Variants in LRRC4C observed in about 807,000 individuals in gnomAD.
LRRC4C encodes leucine rich repeat containing 4C, also known as leucine-rich repeat-containing protein 4C.
A neutral mutation model predicts 33.6 loss-of-function variants in LRRC4C; 5 were observed. The observed-to-expected ratio is 0.15, with a 90% CI of 0.08 to 0.31. The LOEUF (loss-of-function observed/expected upper bound fraction) is 0.31. Ranked by LOEUF, LRRC4C falls within the 10% of genes least tolerant of loss-of-function variation. The pLI, the probability that LRRC4C is intolerant of heterozygous loss-of-function variation, is 1.00. For synonymous variants in LRRC4C, 329 were observed against 302.0 expected (o/e 1.09, Z -0.93); for missense variants, 560 against 796.7 (o/e 0.70, Z 3.58).
intron 3 of LRRC4C, among the ~76,000 whole-genome samples, chr11:40,435,594 A>G (rs1030713767): frequency 2.0e-5 from 3 of 152,198 alleles, no homozygotes; most frequent in Admixed American, 2.0e-4. Flanking sequence ...TCTACTTCAA[A>G]TAAAACTGGA....
At chr11:41,165,986 G>A (rs1159598033) in intron 1 of LRRC4C, among the ~76,000 whole-genome samples, 4 of 151,384 alleles carry the variant, frequency 2.6e-5, no homozygotes, top group African/African-American at 7.3e-5. Context: ...AGTCGAAATC[G>A]TGCCATTGCA....
At chr11:40,716,364 T>A (rs551317295) in intron 2 of LRRC4C, among the ~76,000 whole-genome samples, 88 of 152,288 alleles carry the variant, frequency 5.8e-4, no homozygotes, top group Non-Finnish European at 8.8e-4. Context: ...AAATATTTTT[T>A]AAAAATCTTA....
At chr11:41,005,160 A>G (rs917915969) in intron 1 of LRRC4C, among the ~76,000 whole-genome samples, 1 of 152,156 alleles carries the variant, frequency 6.6e-6, no homozygotes, top group African/African-American at 2.4e-5. Flanking sequence ...TATGGTTTGG[A>G]CATTTATCCC....
intron 2 of LRRC4C, among the ~76,000 whole-genome samples, chr11:40,895,731 CCTA>C (rs1352827209): frequency 3.3e-5 from 5 of 152,078 alleles, no homozygotes; most frequent in Non-Finnish European, 2.9e-5. Flanking sequence ...CTTTCTACAG[CCTA>C]CTTTGTTAAA....
intron 3 of LRRC4C, among the ~76,000 whole-genome samples, chr11:40,435,362 G>A (rs1951102702): frequency 6.6e-6 from 1 of 152,166 alleles, no homozygotes; most frequent in South Asian, 2.1e-4. Context: ...AATTTTACCT[G>A]CTTCACAAAT....
rs1052269563 is a variant in LRRC4C at position 41,234,408 on chromosome 11, A to G, written c.-496+225023T>C. ...TATTAGGCTAATATATTCTCTTAGC[A>G]ATGTTCAGGAATATGTTATTATTAA... On this transcript the variant is annotated intron_variant, in intron 1 of 6. Transcript: ENST00000528697. Among the ~76,000 whole-genome samples, 6 of 151,972 alleles carry G rather than the reference A, an allele frequency of 3.9e-5. No individual in the cohort carries two copies. The East Asian group carries it at 1.2e-3, about 29-fold the overall frequency.
At chr11:40,197,172 G>A (rs979645931) in intron 5 of LRRC4C, among the ~76,000 whole-genome samples, 5 of 152,104 alleles carry the variant, frequency 3.3e-5, no homozygotes, top group East Asian at 1.9e-4. Context: ...AAAAATTAAC[G>A]TTGTGTATGC....
At chr11:40,438,475 A>G (rs1951239808) in intron 3 of LRRC4C, among the ~76,000 whole-genome samples, 1 of 152,208 alleles carries the variant, frequency 6.6e-6, no homozygotes, top group Non-Finnish European at 1.5e-5. Context: ...CTCTACTAGA[A>G]TTTAGCCTCC....
At chr11:40,898,602 A>G (rs1956072944) in intron 2 of LRRC4C, among the ~76,000 whole-genome samples, 1 of 152,074 alleles carries the variant, frequency 6.6e-6, no homozygotes, top group South Asian at 2.1e-4. Context: ...AGTTGAATCC[A>G]AACTAGAAAC....
At chr11:41,064,969 CA>C (rs1183821531) in intron 1 of LRRC4C, among the ~76,000 whole-genome samples, 6 of 152,156 alleles carry the variant, frequency 3.9e-5, no homozygotes, top group Non-Finnish European at 8.8e-5. Flanking sequence ...GTTTCAAGCA[CA>C]AAACTGGGTG....
chr11:41,036,685 C>T lies in LRRC4C; in HGVS notation c.-495-102962G>A, dbSNP rs182303712. Among the ~76,000 whole-genome samples, 484 of 152,154 alleles carry T rather than the reference C, an allele frequency of 3.2e-3. 2 individuals are homozygous for T. Among genetic ancestry groups the T allele is most frequent in the African/African-American group, 0.011 (443 of 41,508 alleles). On this transcript the variant is annotated intron_variant, in intron 1 of 6. Transcript: ENST00000528697. ...AACAGGTAAAATCATGAATTAAATACAAATATAAAATAATGTCAAAGATTT... is the reference window on the plus strand; with the variant it reads ...AACAGGTAAAATCATGAATTAAATATAAATATAAAATAATGTCAAAGATTT...
intron 1 of LRRC4C, among the ~76,000 whole-genome samples, chr11:41,286,742 T>C (rs1050179928): frequency 2.6e-5 from 4 of 150,978 alleles, no homozygotes; most frequent in African/African-American, 9.8e-5. Context: ...TTTCCTACTA[T>C]TAACAGGCTA....
chr11:41,040,946 A>G (rs1349075356), intron 1 of LRRC4C, among the ~76,000 whole-genome samples: 1 of 152,170 alleles, frequency 6.6e-6, no homozygotes, highest in Non-Finnish European at 1.5e-5. Flanking sequence ...AGTTCTATCT[A>G]TATTCTATGC....
At chr11:40,743,289 C>A (rs954455045) in intron 2 of LRRC4C, among the ~76,000 whole-genome samples, 1 of 152,024 alleles carries the variant, frequency 6.6e-6, no homozygotes, top group African/African-American at 2.4e-5. Flanking sequence ...ATTCTTAAAA[C>A]AATTTCTCTT....
At chr11:41,125,487 GT>G (rs986216527) in intron 1 of LRRC4C, among the ~76,000 whole-genome samples, 3 of 150,590 alleles carry the variant, frequency 2.0e-5, no homozygotes, top group African/African-American at 7.3e-5. Context: ...AAATTTGTAT[GT>G]TTTTTAATGA....
At chr11:41,323,457 C>G (rs1951017356) in intron 1 of LRRC4C, among the ~76,000 whole-genome samples, 1 of 152,198 alleles carries the variant, frequency 6.6e-6, no homozygotes. Flanking sequence ...TCACACACTG[C>G]CTTACCACAT....
chr11:41,459,235 GGGGGAT>G (rs1335902016), intron 1 of LRRC4C, among the ~76,000 whole-genome samples, 190 bp downstream of exon 1: 1 of 152,122 alleles, frequency 6.6e-6, no homozygotes, highest in East Asian at 1.9e-4. Context: ...AAGAGGAATG[GGGGGAT>G]GGTTATACAA....
At chr11:40,750,098 T>C (rs1173112827) in intron 2 of LRRC4C, among the ~76,000 whole-genome samples, 3 of 152,052 alleles carry the variant, frequency 2.0e-5, no homozygotes, top group Non-Finnish European at 4.4e-5. Flanking sequence ...GGTGTGCACC[T>C]GTAATCCCAG....
chr11:40,967,744 G>T (rs1395967244), intron 1 of LRRC4C, among the ~76,000 whole-genome samples: 2 of 151,656 alleles, frequency 1.3e-5, no homozygotes, highest in African/African-American at 2.4e-5. Context: ...CAGCTGTTAT[G>T]CCATCTTTCT....
Sources: allele counts gnomAD v4.1 joint callset (sites outside exome capture counted in the v4.1 genomes callset), GRCh38; gene constraint gnomAD v4.1.1; transcripts MANE v1.5; gene names NCBI Gene and HGNC (gene_info 2026-07-23, HGNC 2026-07-21).